Variants in PALLD observed in about 807,000 individuals in gnomAD.
PALLD encodes palladin, cytoskeletal associated protein, also known as palladin.
Under a neutral mutation model 123.5 loss-of-function variants are expected in PALLD, and 61 were observed. The ratio of observed to expected loss-of-function variants is 0.49; its 90% CI spans 0.40 to 0.61. PALLD has a LOEUF of 0.61. Ranked by LOEUF, PALLD falls within the 20% of genes least tolerant of loss-of-function variation. PALLD has a pLI of 0.00. For missense variants in PALLD, 1,273 were observed against 1,377.0 expected (o/e 0.92, Z 1.20); for synonymous variants, 465 against 496.4 (o/e 0.94, Z 0.84).
chr4:168,893,171 C>T (rs183130456), intron 11 of PALLD, among the ~76,000 whole-genome samples: 1 of 152,064 alleles, frequency 6.6e-6, no homozygotes, highest in Non-Finnish European at 1.5e-5. Flanking sequence ...TCCAGGCCTG[C>T]CTTTGATGTG....
At chr4:168,859,672 G>C (rs1749146227) in intron 10 of PALLD, among the ~76,000 whole-genome samples, 1 of 152,112 alleles carries the variant, frequency 6.6e-6, no homozygotes, top group Admixed American at 6.5e-5. Context: ...TTCCTGTTCA[G>C]TAGAGCATCT....
chr4:168,529,585 G>C (rs1764413743), intron 2 of PALLD, among the ~76,000 whole-genome samples: 1 of 152,098 alleles, frequency 6.6e-6, no homozygotes, highest in South Asian at 2.1e-4. Context: ...ACTTACATCT[G>C]TTTTATTAAA....
intron 2 of PALLD, among the ~76,000 whole-genome samples, chr4:168,523,373 C>G (rs1368567369): frequency 6.6e-6 from 1 of 151,990 alleles, no homozygotes; most frequent in Non-Finnish European, 1.5e-5. Flanking sequence ...ATAATTTTCA[C>G]CATTATATAG....
intron 10 of PALLD, among the ~76,000 whole-genome samples, chr4:168,843,014 A>G (rs770127273): frequency 1.3e-5 from 2 of 152,234 alleles, no homozygotes; most frequent in Non-Finnish European, 1.5e-5. Flanking sequence ...AGTTGTGTAT[A>G]TGTCATAGTA....
chr4:168,769,646 T>G (rs1304906029), intron 10 of PALLD, among the ~76,000 whole-genome samples: 1 of 152,218 alleles, frequency 6.6e-6, no homozygotes, highest in Non-Finnish European at 1.5e-5. Flanking sequence ...ACCTTTTAAG[T>G]CTGCTTTTCT....
chr4:168,592,222 C>T lies in PALLD; in HGVS notation c.909-75968C>T, dbSNP rs575409673. Among the ~76,000 whole-genome samples the T allele has an allele frequency of 5.9e-5, 9 of 152,014 alleles. No individual in the cohort carries two copies. In the East Asian group the frequency reaches 1.7e-3, roughly 30 times the overall value. On this transcript the variant is annotated intron_variant, in intron 2 of 21. Transcript: ENST00000505667. ...TGGGGTTTTAGCAGATAGGGGGTTTCACCATGTTGGTCAGGCTCGTGTCGA... is the reference window on the plus strand; with the variant it reads ...TGGGGTTTTAGCAGATAGGGGGTTTTACCATGTTGGTCAGGCTCGTGTCGA...
chr4:168,613,675 T>G (rs1359743270), intron 2 of PALLD, among the ~76,000 whole-genome samples: 1 of 152,122 alleles, frequency 6.6e-6, no homozygotes, highest in Non-Finnish European at 1.5e-5. Flanking sequence ...GGACTACACA[T>G]TTAGATATGA....
intron 2 of PALLD, among the ~76,000 whole-genome samples, chr4:168,666,026 C>A (rs1460132421): frequency 6.6e-6 from 1 of 151,596 alleles, no homozygotes; most frequent in South Asian, 2.1e-4. Flanking sequence ...AACTTTATGT[C>A]ACAAAATACT....
chr4:168,646,713 T>C (rs1159612690), intron 2 of PALLD, among the ~76,000 whole-genome samples: 1 of 152,234 alleles, frequency 6.6e-6, no homozygotes, highest in Non-Finnish European at 1.5e-5. Flanking sequence ...AAGCAATGAT[T>C]ACAGAAACAT....
At chr4:168,527,077 C>G (rs55741149) in intron 2 of PALLD, among the ~76,000 whole-genome samples, 2 of 152,126 alleles carry the variant, frequency 1.3e-5, no homozygotes, top group African/African-American at 4.8e-5. Context: ...TGTCTCAGCT[C>G]TCTGTGAAAA....
intron 10 of PALLD, among the ~76,000 whole-genome samples, chr4:168,782,939 C>CT (rs758286549): frequency 3.3e-5 from 5 of 151,442 alleles, no homozygotes; most frequent in African/African-American, 9.7e-5. Flanking sequence ...CAAAAAAAAA[C>CT]TTTTTTTACA....
At chr4:168,792,463 A>C (rs1257981512) in intron 10 of PALLD, among the ~76,000 whole-genome samples, 1 of 152,064 alleles carries the variant, frequency 6.6e-6, no homozygotes, top group Non-Finnish European at 1.5e-5. Flanking sequence ...GAGTCTCTCT[A>C]TGACTCTTCT....
chr4:168,625,640 A>G (rs1380395605), intron 2 of PALLD, among the ~76,000 whole-genome samples: 1 of 151,898 alleles, frequency 6.6e-6, no homozygotes, highest in East Asian at 1.9e-4. Context: ...TGAAATTTAC[A>G]TGGCCAACAA....
At chr4:168,702,019 C>A (rs1783721558) in intron 8 of PALLD, among the ~76,000 whole-genome samples, 1 of 152,176 alleles carries the variant, frequency 6.6e-6, no homozygotes, top group African/African-American at 2.4e-5. Context: ...GGACATATTG[C>A]CCTCCCCTTG....
intron 10 of PALLD, among the ~76,000 whole-genome samples, chr4:168,738,569 T>C (rs1220423579): frequency 6.8e-6 from 1 of 147,200 alleles, no homozygotes; most frequent in Non-Finnish European, 1.5e-5. Flanking sequence ...TAGCTGGGAT[T>C]ATAGGCGTGT....
chr4:168,904,599 TG>T (rs1287144081), intron 15 of PALLD, among the ~76,000 whole-genome samples: 1 of 152,122 alleles, frequency 6.6e-6, no homozygotes, highest in Non-Finnish European at 1.5e-5. Context: ...AAAGTTATTT[TG>T]TACCTTAAGA....
At chr4:168,854,335 C>T (rs898684434) in intron 10 of PALLD, among the ~76,000 whole-genome samples, 7 of 152,174 alleles carry the variant, frequency 4.6e-5, no homozygotes, top group African/African-American at 7.2e-5. Context: ...GATGGTAGGA[C>T]GGTCTAGGTT....
intron 10 of PALLD, among the ~76,000 whole-genome samples, chr4:168,740,639 T>C (rs912748823): frequency 1.3e-5 from 2 of 152,208 alleles, no homozygotes; most frequent in Non-Finnish European, 2.9e-5. Flanking sequence ...TTTTGAAAGA[T>C]GGAAAGTTCT....
At chr4:168,756,728 T>C (rs907797467) in intron 10 of PALLD, among the ~76,000 whole-genome samples, 4 of 152,158 alleles carry the variant, frequency 2.6e-5, no homozygotes, top group African/African-American at 9.7e-5. Flanking sequence ...TATGGGAATG[T>C]CAAGTAGGCA....
Sources: gnomAD v4.1 joint callset for allele counts (sites outside exome capture counted in the v4.1 genomes callset) on GRCh38, gnomAD v4.1.1 for gene constraint, MANE v1.5 for transcripts, NCBI Gene and HGNC (gene_info 2026-07-23, HGNC 2026-07-21) for gene names.